Variants in P4HA2 observed in about 807,000 individuals in gnomAD.
P4HA2 encodes prolyl 4-hydroxylase subunit alpha-2.
In P4HA2, 46 loss-of-function variants were observed where a neutral mutation model predicts 76.9. The ratio of observed to expected loss-of-function variants is 0.60; its 90% CI spans 0.47 to 0.76. The LOEUF is 0.76. Among genes scored for constraint, P4HA2 ranks in the 30% least tolerant of loss-of-function variants. The pLI is 0.00. For synonymous variants in P4HA2, 243 were observed against 254.0 expected (o/e 0.96, Z 0.41); for missense variants, 583 against 669.4 (o/e 0.87, Z 1.42).
Position 132,207,759 on chromosome 5 carries a change from A to G in P4HA2, c.1029T>C (p.Asp343=). ...TCTCGATTTCCTCATCAGACATGAC[A>G]TCGTAGTACCTGACGATGTGCGGGC... ...WDSPHIVRYY[D]VMSDEEIERI... Residue 343 remains aspartate, a synonymous_variant, in exon 8 of 15, where the codon GAT becomes GAC. Transcript: ENST00000360568. The G allele has an allele frequency of 6.2e-7, 1 of 1,613,980 alleles. No homozygotes were observed. Among genetic ancestry groups the G allele is most frequent in the Non-Finnish European group, 8.5e-7 (1 of 1,179,932 alleles).
chr5:132,193,113 AT>A (rs1243982867), intron 14 of P4HA2, 33 bp from the exon 15 acceptor site: 1 of 1,529,318 alleles, frequency 6.5e-7, no homozygotes, highest in Non-Finnish European at 9.1e-7. Flanking sequence ...TTACAATCCT[AT>A]TGGTCAGTTT....
At chr5:132,221,064 T>C (rs1330226396) in intron 1 of P4HA2, among the ~76,000 whole-genome samples, 1 of 152,160 alleles carries the variant, frequency 6.6e-6, no homozygotes, top group East Asian at 1.9e-4. Flanking sequence ...AGAGTCAGAT[T>C]GGGAGGAGGC....
intron 13 of P4HA2, 188 bp downstream of exon 13, chr5:132,195,224 G>T (rs156030): frequency 3.1e-6 from 2 of 636,626 alleles, no homozygotes; most frequent in Non-Finnish European, 2.8e-6. Context: ...GAACTCACCC[G>T]CCCCTGAAGG....
chr5:132,202,390 G>A (rs1307420831), intron 10 of P4HA2: 1 of 152,142 alleles, frequency 6.6e-6, no homozygotes, highest in East Asian at 1.9e-4. Context: ...GCGTGTCCAA[G>A]CAAAAGTTCA....
chr5:132,208,418 AGGGGGG>A (rs1320785724), intron 7 of P4HA2, among the ~76,000 whole-genome samples: 1 of 2,080 alleles, frequency 4.8e-4, no homozygotes, highest in Non-Finnish European at 8.9e-4. Context: ...GGGGGAGGGG[AGGGGGG>A]GAGGGGAGGA....
At chr5:132,204,467 C>T (rs1751933455) in intron 8 of P4HA2, among the ~76,000 whole-genome samples, 1 of 152,166 alleles carries the variant, frequency 6.6e-6, no homozygotes, top group Admixed American at 6.5e-5. Context: ...CCTGACTAGC[C>T]CCTTTCCTTG....
intron 7 of P4HA2, among the ~76,000 whole-genome samples, chr5:132,208,773 G>C (rs10052046): frequency 1.3e-5 from 2 of 151,582 alleles, no homozygotes; most frequent in African/African-American, 4.9e-5. Flanking sequence ...GTACACGCTG[G>C]TGTCTTTACC....
chr5:132,219,516 C>G (rs1397673013), intron 1 of P4HA2, among the ~76,000 whole-genome samples: 1 of 152,112 alleles, frequency 6.6e-6, no homozygotes, highest in Non-Finnish European at 1.5e-5. Context: ...TGGCAGTAAA[C>G]CTCAGTCCAC....
Position 132,204,137 on chromosome 5 carries a change from C to T in P4HA2, c.1096G>A (p.Val366Ile), listed in dbSNP as rs759847698. Residue 366 changes from valine to isoleucine, a missense_variant, in exon 9 of 15, where the codon GTT (valine) becomes ATT (isoleucine). By Grantham distance (29) the Val-to-Ile change is conservative (BLOSUM62 3). Transcript: ENST00000360568. ...AGGACTCCTGTCTTGGGATCACGAACGGTGGCTCGTGCAAGCTAGAAGGAA... is the reference window on the plus strand; with the variant it reads ...AGGACTCCTGTCTTGGGATCACGAATGGTGGCTCGTGCAAGCTAGAAGGAA... ...IAKPKLARAT[V>I]RDPKTGVLTV... is the part of the protein sequence containing the mutation. The T allele has an allele frequency of 1.9e-5, 31 of 1,613,476 alleles. No homozygotes were observed. The highest frequency in any genetic ancestry group is 1.6e-4 in the Middle Eastern group (1 of 6,082).
At chr5:132,225,726 C>G (rs1755299697) in intron 1 of P4HA2, among the ~76,000 whole-genome samples, 1 of 152,242 alleles carries the variant, frequency 6.6e-6, no homozygotes, top group Non-Finnish European at 1.5e-5. Flanking sequence ...CTGAGATCAG[C>G]TGGGGCCAGT....
In P4HA2 at chr5:132,217,241, T is replaced by C; in HGVS notation, c.287A>G (p.Asp96Gly). The C allele has an allele frequency of 6.2e-7, 1 of 1,614,236 alleles. No homozygotes were observed. The highest frequency in any genetic ancestry group is 8.5e-7 in the Non-Finnish European group (1 of 1,180,030). The change falls in exon 4 of 15, where the codon GAC (aspartate) becomes GGC (glycine). Residue 96 changes from aspartate to glycine, a missense_variant. Coordinates refer to ENST00000360568, the MANE Select transcript of P4HA2 (RefSeq NM_001017974.2). Reference protein sequence around the residue: ...AYKLVKRLNTDWPALEDLVLQ... With the variant: ...AYKLVKRLNTGWPALEDLVLQ... ...GACAAGGTCCTCCAGCGCAGGCCAG[T>C]CTGTGTTTAGCCGCTTCACCAGTTT... is the stretch of plus-strand genomic sequence containing the variant.
chr5:132,203,039 C>A (rs1247788728), intron 10 of P4HA2, among the ~76,000 whole-genome samples: 1 of 152,206 alleles, frequency 6.6e-6, no homozygotes, highest in Admixed American at 6.5e-5. Flanking sequence ...TAGGTTGTTG[C>A]CCATAACACT....
chr5:132,194,451 A>C (rs1213619534), intron 14 of P4HA2, among the ~76,000 whole-genome samples: 1 of 152,110 alleles, frequency 6.6e-6, no homozygotes, highest in Non-Finnish European at 1.5e-5. Context: ...GAGCCTCTGC[A>C]GTTTGGTCCC....
chr5:132,215,850 T>TAAAA (rs539378974), intron 4 of P4HA2, among the ~76,000 whole-genome samples: 1,768 of 81,866 alleles, frequency 0.022, 59 homozygotes, highest in Non-Finnish European at 0.032. Context: ...CCTGTCCCTT[T>TAAAA]AAAAAAAAAA....
At chr5:132,206,195 T>A (rs1752191584) in intron 8 of P4HA2, among the ~76,000 whole-genome samples, 1 of 152,198 alleles carries the variant, frequency 6.6e-6, no homozygotes, top group South Asian at 2.1e-4. Context: ...AGAAATGTTC[T>A]CAGTGTCTGG....
At chr5:132,224,166 G>T (rs1755032133) in intron 1 of P4HA2, among the ~76,000 whole-genome samples, 1 of 152,216 alleles carries the variant, frequency 6.6e-6, no homozygotes, top group Admixed American at 6.5e-5. Flanking sequence ...TAACCAGCCA[G>T]TCCAGCTCAG....
chr5:132,208,956 G>C (rs531658459), intron 7 of P4HA2, among the ~76,000 whole-genome samples, 182 bp downstream of exon 7: 1 of 152,142 alleles, frequency 6.6e-6, no homozygotes, highest in Non-Finnish European at 1.5e-5. Context: ...CGAGGGGAGA[G>C]AGTCTCCTTT....
intron 12 of P4HA2, chr5:132,198,068 C>T: frequency 2.1e-6 from 3 of 1,456,762 alleles, no homozygotes; most frequent in African/African-American, 2.8e-5. Flanking sequence ...CCTACTGCAG[C>T]CAAGAAGGGT....
rs1333265581 is a variant in P4HA2, at chr5:132,213,428, G to A, written c.469+488C>T. Among the ~76,000 whole-genome samples, 17 of 152,176 alleles carry A rather than the reference G, an allele frequency of 1.1e-4. 1 individual carries two copies. The highest frequency in any genetic ancestry group is 1.1e-3 in the Admixed American group (17 of 15,276). On this transcript the variant is annotated intron_variant, in intron 5 of 14. Coordinates refer to ENST00000360568, the MANE Select transcript of P4HA2 (RefSeq NM_001017974.2). ...AAGACTCGAAAGACTCTCAGATACCGAGGGAGGCAAGTGTTAAGATGAGCA... is the reference window on the plus strand; with the variant it reads ...AAGACTCGAAAGACTCTCAGATACCAAGGGAGGCAAGTGTTAAGATGAGCA...
Sources: gnomAD v4.1 joint callset for allele counts (sites outside exome capture counted in the v4.1 genomes callset) on GRCh38, gnomAD v4.1.1 for gene constraint, MANE v1.5 for transcripts, NCBI Gene and HGNC (gene_info 2026-07-23, HGNC 2026-07-21) for gene names.